The following IQCF2 variants were observed in gnomAD, a reference collection of about 807,000 sequenced individuals.
IQCF2 encodes the protein IQ domain-containing protein F2.
IQCF2 carries 6 observed loss-of-function variants against 7.0 expected under a neutral mutation model. That is an observed-to-expected ratio of 0.86 (90% CI 0.47 to 1.70). The LOEUF is 1.70. Among genes scored for constraint, IQCF2 ranks in the 40% most tolerant of loss-of-function variants. The probability of loss-of-function intolerance (pLI) is 0.01; values close to 1 mark genes in which losing one functional copy is unlikely to be tolerated. For missense variants in IQCF2, 174 were observed against 204.6 expected, an observed-to-expected ratio of 0.85 and a Z score of 0.91; for synonymous variants, 67 against 74.0, an observed-to-expected ratio of 0.91 and a Z score of 0.48.
intron 2 of IQCF2, 35 bp downstream of exon 2, chr3:51,861,985 G>GA (rs1559727804): frequency 6.8e-7 from 1 of 1,475,534 alleles, no homozygotes; most frequent in Admixed American, 1.7e-5. Context: ...GAGAAATCCA[G>GA]AACATTTATA....
At chr3:51,862,686 C>T (rs1017703905) in intron 2 of IQCF2, among the ~76,000 whole-genome samples, 4 of 152,168 alleles carry the variant, frequency 2.6e-5, no homozygotes, top group African/African-American at 9.7e-5. Context: ...GTGAGTGTGA[C>T]TAACAAGGTC....
chr3:51,863,054 G>T lies in IQCF2; in HGVS notation c.179G>T (p.Arg60Leu), dbSNP rs187375695. 72 of 1,614,220 alleles carry T rather than the reference G, an allele frequency of 4.5e-5. No individual in the cohort carries two copies. The East Asian group carries it at 1.0e-3, about 22-fold the overall frequency. The change falls in exon 3 of 3, where the codon CGC becomes CTC. Residue 60 changes from arginine (R) to leucine (L), a missense_variant. By Grantham distance (102) the Arg-to-Leu change is moderately radical (BLOSUM62 -2). Transcript: ENST00000333127. ...IQAWWRGTLV[R>L]RTLLHAALRA... ...GCCTGGTGGCGGGGCACCCTGGTGCGCAGGACACTGCTGCATGCAGCCCTC... is the reference window on the plus strand; with the variant it reads ...GCCTGGTGGCGGGGCACCCTGGTGCTCAGGACACTGCTGCATGCAGCCCTC...
chr3:51,862,096 T>TG, intron 2 of IQCF2, 146 bp downstream of exon 2: 1 of 634,278 alleles, frequency 1.6e-6, no homozygotes, highest in Admixed American at 2.9e-5. Context: ...CTTCTCAGTC[T>TG]GGGCTGTCTG....
Position 51,863,245 on chromosome 3 carries a change from A to C in IQCF2, c.370A>C (p.Asn124His). ...CCGCTGGCGATACTGCCAGGTGCTC[A>C]ATGCCATCTACATCATCCAGGGCCA... ...RVRWRYCQVL[N>H]AIYIIQGHWQ... Residue 124 changes from asparagine to histidine, a missense_variant, in exon 3 of 3, where the codon AAT (asparagine) becomes CAT (histidine). Physicochemically the swap from Asn to His is moderately conservative, Grantham distance 68 (BLOSUM62 1). Transcript: ENST00000333127. 1 of 1,614,210 alleles carries C rather than the reference A, an allele frequency of 6.2e-7. No homozygotes were observed. Among genetic ancestry groups the C allele is most frequent in the Non-Finnish European group, 8.5e-7 (1 of 1,180,030 alleles).
Position 51,862,979 on chromosome 3 carries a change from C to T in IQCF2, c.112-8C>T. The T allele has an allele frequency of 6.3e-7, 1 of 1,594,788 alleles. No individual in the cohort carries two copies. Among genetic ancestry groups the T allele is most frequent in the Non-Finnish European group, 8.6e-7 (1 of 1,169,566 alleles). On this transcript the variant is annotated splice_polypyrimidine_tract_variant and splice_region_variant and intron_variant, in intron 2 of 2. Transcript: ENST00000333127. ...GTTTTCTGACTGATCGCTCTTGTCT[C>T]TGCCTAGGAAAAACTTAGAATAAGA...
In IQCF2 at chr3:51,863,048, T is replaced by C. The variant is rs1171525762; in HGVS notation, c.173T>C (p.Leu58Pro). 6.2e-7 allele frequency: 1 copy of C among 1,614,186 alleles called. No individual in the cohort carries two copies. Among genetic ancestry groups the C allele is most frequent in the African/African-American group, 1.3e-5 (1 of 75,074 alleles). The change falls in exon 3 of 3, where the codon CTG (leucine) becomes CCG (proline). Residue 58 changes from leucine (L) to proline (P), a missense_variant. By Grantham distance (98) the Leu-to-Pro change is moderately conservative. Coordinates refer to ENST00000333127, the MANE Select transcript of IQCF2 (RefSeq NM_203424.2). ...ATCCAGGCCTGGTGGCGGGGCACCCTGGTGCGCAGGACACTGCTGCATGCA... is the reference window on the plus strand; with the variant it reads ...ATCCAGGCCTGGTGGCGGGGCACCCCGGTGCGCAGGACACTGCTGCATGCA... The part of the protein sequence containing the change: ...VKIQAWWRGT[L>P]VRRTLLHAAL...
Position 51,862,099 on chromosome 3 carries a change from G to T in IQCF2, c.111+149G>T, listed in dbSNP as rs545790585. 1.4e-5 allele frequency: 9 copies of T among 633,258 alleles called. No individual in the cohort carries two copies. In the East Asian group the frequency reaches 1.7e-4, roughly 12 times the overall value. 39.2% of individuals were successfully genotyped at this position (633,258 alleles called of 1,614,324 possible). On this transcript the variant is annotated intron_variant, in intron 2 of 2. Coordinates refer to ENST00000333127, the MANE Select transcript of IQCF2 (RefSeq NM_203424.2). Reference sequence around the variant, plus strand: ...TTCCTCCATTCTCTTCTCAGTCTGGGCTGTCTGGATCTGGGCCTGACTGAG... The same window carrying T: ...TTCCTCCATTCTCTTCTCAGTCTGGTCTGTCTGGATCTGGGCCTGACTGAG...
chr3:51,862,699 A>G (rs376941576), intron 2 of IQCF2, among the ~76,000 whole-genome samples: 1 of 152,200 alleles, frequency 6.6e-6, no homozygotes, highest in Non-Finnish European at 1.5e-5. Context: ...ACAAGGTCCC[A>G]CACATCCCTA....
At position 51,861,970 on chromosome 3, in the gene IQCF2, C is replaced by T. The variant is rs1019493926; in HGVS notation, c.111+20C>T. 2.6e-6 allele frequency: 4 copies of T among 1,554,990 alleles called. No individual in the cohort carries two copies. Among genetic ancestry groups the T allele is most frequent in the Non-Finnish European group, 3.5e-6 (4 of 1,127,238 alleles). On this transcript the variant is annotated intron_variant, in intron 2 of 2. Coordinates refer to ENST00000333127, the MANE Select transcript of IQCF2 (RefSeq NM_203424.2). ...ATCAAGGTGAGAAGAATTCCATGTA[C>T]TTAAGAGAAATCCAGAACATTTATA...
rs758611230 is a variant in IQCF2, at chr3:51,861,928, A to G, written c.89A>G (p.Lys30Arg). 1.2e-6 allele frequency: 2 copies of G among 1,613,310 alleles called. No individual in the cohort carries two copies. The highest frequency in any genetic ancestry group is 2.2e-5 in the South Asian group (2 of 91,036). The change falls in exon 2 of 3, where the codon AAG becomes AGG. Residue 30 changes from lysine (K) to arginine (R), a missense_variant. By Grantham distance (26) the Lys-to-Arg change is conservative. Coordinates refer to ENST00000333127, the MANE Select transcript of IQCF2 (RefSeq NM_203424.2). ...AGCATTGAATGGAAGACATTGCAGA[A>G]GAAGAAACAGCAGAAAATCAAGGTG... is the stretch of plus-strand genomic sequence containing the variant. ...EESIEWKTLQ[K>R]KKQQKIKEKL...
In IQCF2 at chr3:51,861,699, C is replaced by G. The variant is rs755186224; in HGVS notation, c.18+15C>G. The stretch of plus-strand genomic sequence containing the variant: ...TTCGATTTTGTGTAAGAGACATGGC[C>G]AGATCTATTAGGTGGACCAGGAATG... On this transcript the variant is annotated intron_variant, in intron 1 of 2. Transcript: ENST00000333127. 6.2e-7 allele frequency: 1 copy of G among 1,614,002 alleles called. No individual in the cohort carries two copies. The highest frequency in any genetic ancestry group is 1.1e-5 in the South Asian group (1 of 91,078).
Position 51,863,252 on chromosome 3 carries a change from T to C in IQCF2, c.377T>C (p.Ile126Thr), listed in dbSNP as rs1424790982. 1 of 1,614,202 alleles carries C rather than the reference T, an allele frequency of 6.2e-7. No homozygotes were observed. Among genetic ancestry groups the C allele is most frequent in the East Asian group, 2.2e-5 (1 of 44,888 alleles). Residue 126 changes from isoleucine (I) to threonine (T), a missense_variant, in exon 3 of 3, where the codon ATC becomes ACC. Ile to Thr is a moderately conservative substitution (Grantham distance 89). Transcript: ENST00000333127. ...CGATACTGCCAGGTGCTCAATGCCA[T>C]CTACATCATCCAGGGCCACTGGCAA... ...RWRYCQVLNA[I>T]YIIQGHWQCH...
intron 2 of IQCF2, 113 bp from the exon 3 acceptor site, chr3:51,862,874 T>C: frequency 7.5e-7 from 1 of 1,342,018 alleles, no homozygotes; most frequent in Non-Finnish European, 1.0e-6. Flanking sequence ...CTAACTTCCC[T>C]GAATTCTGAG....
At chr3:51,862,753 A>G (rs1698651954) in intron 2 of IQCF2, among the ~76,000 whole-genome samples, 2 of 152,200 alleles carry the variant, frequency 1.3e-5, no homozygotes, top group Admixed American at 1.3e-4. Context: ...TGATCCATGC[A>G]CTGCAGAAAT....
At chr3:51,862,007 A>T in intron 2 of IQCF2, 57 bp downstream of exon 2, 4 of 1,294,470 alleles carry the variant, frequency 3.1e-6, no homozygotes, top group Non-Finnish European at 4.5e-6. Context: ...CTACATCATA[A>T]GGTGTAGGAC....
chr3:51,861,987 A>G, intron 2 of IQCF2, 37 bp downstream of exon 2: 1 of 1,431,506 alleles, frequency 7.0e-7, no homozygotes, highest in South Asian at 1.2e-5. Flanking sequence ...GAAATCCAGA[A>G]CATTTATAAC....
chr3:51,863,204 T>G lies in IQCF2; in HGVS notation c.329T>G (p.Val110Gly). Residue 110 changes from valine to glycine, a missense_variant, in exon 3 of 3, where the codon GTC becomes GGC. Transcript: ENST00000333127. ...ERAVIKLQSL[V>G]RMWRVRWRYC... ...GCAGTGATCAAGCTCCAGTCTTTGG[T>G]CCGTATGTGGCGTGTCCGCTGGCGA... 2 of 1,614,176 alleles carry G rather than the reference T, an allele frequency of 1.2e-6. No individual in the cohort carries two copies. Among genetic ancestry groups the G allele is most frequent in the Non-Finnish European group, 1.7e-6 (2 of 1,180,014 alleles).
In IQCF2 at chr3:51,863,227, C is replaced by T. The variant is rs562556017; in HGVS notation, c.352C>T (p.Arg118Ter). 1.2e-5 allele frequency: 20 copies of T among 1,614,200 alleles called. No individual in the cohort carries two copies. Among genetic ancestry groups the T allele is most frequent in the South Asian group, 3.3e-5 (3 of 91,084 alleles). Reference sequence around the variant, plus strand: ...GGTCCGTATGTGGCGTGTCCGCTGGCGATACTGCCAGGTGCTCAATGCCAT... The same window carrying T: ...GGTCCGTATGTGGCGTGTCCGCTGGTGATACTGCCAGGTGCTCAATGCCAT... ...SLVRMWRVRW[R>*]YCQVLNAIYI... Residue 118 changes from arginine to a stop codon, truncating the protein, a stop_gained, in exon 3 of 3, where the codon CGA (arginine) becomes TGA (stop). Coordinates refer to ENST00000333127, the MANE Select transcript of IQCF2 (RefSeq NM_203424.2). LOFTEE classifies it high-confidence loss of function.
At chr3:51,862,003 C>A in intron 2 of IQCF2, 53 bp downstream of exon 2, 1 of 1,336,746 alleles carries the variant, frequency 7.5e-7, no homozygotes, top group South Asian at 1.2e-5. Flanking sequence ...ATAACTACAT[C>A]ATAAGGTGTA....
Sources: allele counts gnomAD v4.1 joint callset (sites outside exome capture counted in the v4.1 genomes callset), GRCh38; gene constraint gnomAD v4.1.1; transcripts MANE v1.5; gene names NCBI Gene and HGNC (gene_info 2026-07-23, HGNC 2026-07-21).